The following NFATC2 variants were observed in gnomAD, a reference collection of about 807,000 sequenced individuals.
NFATC2 encodes the protein nuclear factor of activated T cells 2.
In NFATC2, 22 loss-of-function variants were observed where a neutral mutation model predicts 87.3. The ratio of observed to expected loss-of-function variants is 0.25; its 90% CI spans 0.18 to 0.36. The LOEUF (loss-of-function observed/expected upper bound fraction) is 0.36, where lower values mean the gene tolerates loss of function less well. NFATC2 is among the 10% of genes least tolerant of loss of function. NFATC2 has a pLI of 1.00. For missense variants in NFATC2, 1,149 were observed against 1,259.1 expected (o/e 0.91, Z 1.32); for synonymous variants, 565 against 542.2 (o/e 1.04, Z -0.58).
rs143745582 is a variant in NFATC2 at position 51,416,994 on chromosome 20, C to T, written c.2722+15073G>A. On this transcript the variant is annotated intron_variant, in intron 9 of 10. Transcript: ENST00000371564. ...AAAAGCCAGTTTCCTGGAGTCTCAT[C>T]AGATGAAGGAGTGAAAAGGCAGGGG... 1.1e-3 allele frequency among the ~76,000 whole-genome samples: 166 copies of T among 152,302 alleles called. 1 individual carries two copies. The highest frequency in any genetic ancestry group is 1.6e-3 in the Non-Finnish European group (108 of 68,028).
rs117746322 is a variant in NFATC2, at chr20:51,444,938, G to A, written c.1850-9177C>T. 1.4e-3 allele frequency among the ~76,000 whole-genome samples: 219 copies of A among 152,052 alleles called. 3 individuals carry two copies. The East Asian group carries it at 0.034, about 24-fold the overall frequency. On this transcript the variant is annotated intron_variant, in intron 6 of 10. Coordinates refer to ENST00000371564, the MANE Select transcript of NFATC2 (RefSeq NM_012340.5). ...CTAGAAAGGAAGTCCCTTGATTCCC[G>A]AGTCTCCTGCCCCACTACTTCCTTG...
At position 51,523,561 on chromosome 20, in the gene NFATC2, G is replaced by A. The variant is rs772994398; in HGVS notation, c.680C>T (p.Ala227Val). The A allele has an allele frequency of 1.9e-6, 3 of 1,613,688 alleles. No homozygotes were observed. Among genetic ancestry groups the A allele is most frequent in the African/African-American group, 2.7e-5 (2 of 74,906 alleles). The change falls in exon 2 of 11, where the codon GCC becomes GTC. Residue 227 changes from alanine (A) to valine (V), a missense_variant. Around this residue, in one of 3 missense-constraint regions of NFATC2, gnomAD observed 563 missense variants for 585.2 expected, o/e 0.96. Coordinates refer to ENST00000371564, the MANE Select transcript of NFATC2 (RefSeq NM_012340.5). The surrounding 1 kb of genome is among the most constrained non-coding windows in gnomAD (Gnocchi z 6.9). The stretch of plus-strand genomic sequence containing the variant: ...GTGGCGGCCCAGGCAGCTGTCCTCG[G>A]CGAGGCTGGTTCGAGGTGACATTAT... ...SPIMSPRTSL[A>V]EDSCLGRHSP...
chr20:51,555,855 G>A lies in NFATC2; in HGVS notation c.70+6705C>T, dbSNP rs149373002. The stretch of plus-strand genomic sequence containing the variant: ...TTAGAGAGGAAGGGCTATCCAGCCC[G>A]AATGAGGAATCCTACTCTTGTAGAT... On this transcript the variant is annotated intron_variant, in intron 1 of 10. Transcript: ENST00000414705. 7.4e-3 allele frequency among the ~76,000 whole-genome samples: 1,130 copies of A among 152,294 alleles called. 20 individuals are homozygous for A. The highest frequency in any genetic ancestry group is 0.026 in the African/African-American group (1,071 of 41,560).
Position 51,437,854 on chromosome 20 carries a change from A to G in NFATC2, c.1850-2093T>C, listed in dbSNP as rs117868003. On this transcript the variant is annotated intron_variant, in intron 6 of 10. Transcript: ENST00000371564. ...ATCTCCCCAACACGCACAAATGCCT[A>G]ATCAACATCTCATGACTGAACAGAC... Among the ~76,000 whole-genome samples, 444 of 152,348 alleles carry G rather than the reference A, an allele frequency of 2.9e-3. 6 individuals carry two copies. The East Asian group carries it at 0.038, about 13-fold the overall frequency.
intron 6 of NFATC2, among the ~76,000 whole-genome samples, chr20:51,441,424 G>A (rs1016686886): frequency 1.3e-5 from 2 of 151,318 alleles, no homozygotes; most frequent in Admixed American, 1.3e-4. Context: ...AAGCAAAAAT[G>A]ATAAAGTTTG....
Position 51,398,566 on chromosome 20 carries a change from TACTTA to T in NFATC2, c.*44+72_*44+76del, listed in dbSNP as rs1568926422. ...CAGCCTGTCAAGTTTTCTTATACTT[TACTTA>T]AAAAAAAAAAAATTCAAGTTAAGGA... On this transcript the variant is annotated intron_variant, in intron 10 of 10. Coordinates refer to ENST00000371564, the MANE Select transcript of NFATC2 (RefSeq NM_012340.5). 10 of 914,476 alleles carry T rather than the reference TACTTA, an allele frequency of 1.1e-5. No individual in the cohort carries two copies. In the East Asian group the frequency reaches 1.2e-4, roughly 11 times the overall value. 56.6% of individuals were successfully genotyped at this position (914,476 alleles called of 1,614,324 possible).
At chr20:51,561,705 T>C (rs1184023587) in intron 1 of NFATC2, among the ~76,000 whole-genome samples, 1 of 151,300 alleles carries the variant, frequency 6.6e-6, no homozygotes, top group Non-Finnish European at 1.5e-5. Flanking sequence ...CCCCTCCCAC[T>C]TGGCAGCCAG....
intron 1 of NFATC2, among the ~76,000 whole-genome samples, chr20:51,555,162 T>C (rs2076966794): frequency 6.6e-6 from 1 of 152,162 alleles, no homozygotes; most frequent in Non-Finnish European, 1.5e-5. Context: ...GCATTCACTC[T>C]TACCTGGCTA....
intron 10 of NFATC2, among the ~76,000 whole-genome samples, chr20:51,396,556 C>T (rs535486675): frequency 3.3e-5 from 5 of 152,258 alleles, no homozygotes; most frequent in East Asian, 1.9e-4. Flanking sequence ...GGTGAGACCA[C>T]GTGAGTGCCC....
At chr20:51,539,801 A>G (rs748969511) in intron 1 of NFATC2, among the ~76,000 whole-genome samples, 17 of 152,172 alleles carry the variant, frequency 1.1e-4, no homozygotes, top group Admixed American at 2.6e-4. Flanking sequence ...TCCCGGCCAC[A>G]GCATCCCTTC....
chr20:51,469,197 T>G (rs371055271), intron 5 of NFATC2, among the ~76,000 whole-genome samples: 1 of 152,046 alleles, frequency 6.6e-6, no homozygotes, highest in East Asian at 1.9e-4. Flanking sequence ...TAATTGTTTT[T>G]GTAGAGATGG....
intron 9 of NFATC2, among the ~76,000 whole-genome samples, chr20:51,400,738 C>T (rs747247381): frequency 2.6e-5 from 4 of 152,160 alleles, no homozygotes; most frequent in Non-Finnish European, 2.9e-5. Context: ...ACTCGCTCTG[C>T]CTTCCTTCAT....
intron 9 of NFATC2, among the ~76,000 whole-genome samples, chr20:51,428,643 C>T (rs1044609349): frequency 2.6e-5 from 4 of 152,164 alleles, no homozygotes; most frequent in Non-Finnish European, 1.5e-5. Context: ...AACTCAGAGC[C>T]GGGGGCTTCC....
At chr20:51,451,504 C>T (rs1030909989) in intron 6 of NFATC2, among the ~76,000 whole-genome samples, 1 of 152,218 alleles carries the variant, frequency 6.6e-6, no homozygotes, top group African/African-American at 2.4e-5. Flanking sequence ...GGACAGCGCC[C>T]CTGCCAAGTC....
chr20:51,466,573 C>T lies in NFATC2; in HGVS notation c.1708+7407G>A, dbSNP rs149194223. 3.6e-3 allele frequency among the ~76,000 whole-genome samples: 554 copies of T among 152,134 alleles called. 2 individuals carry two copies. Among genetic ancestry groups the T allele is most frequent in the African/African-American group, 0.013 (536 of 41,540 alleles). ...CAATGGAGCTGGACCCTACCCCACA[C>T]GATACACAAAAACCAACCTGCACGG... On this transcript the variant is annotated intron_variant, in intron 5 of 10. Coordinates refer to ENST00000371564, the MANE Select transcript of NFATC2 (RefSeq NM_012340.5).
At chr20:51,428,860 G>T (rs559677202) in intron 9 of NFATC2, among the ~76,000 whole-genome samples, 34 of 152,348 alleles carry the variant, frequency 2.2e-4, no homozygotes, top group Non-Finnish European at 3.4e-4. Context: ...ATAAATGACA[G>T]ACCAGAAATG....
In NFATC2 at chr20:51,391,469, A is replaced by C; in HGVS notation, c.*45-18T>G. 1.8e-6 allele frequency: 2 copies of C among 1,088,230 alleles called. No homozygotes were observed. The highest frequency in any genetic ancestry group is 2.7e-6 in the Non-Finnish European group (2 of 744,158). 67.4% of individuals were successfully genotyped at this position (1,088,230 alleles called of 1,614,324 possible). A position where few individuals can be genotyped will look rare whatever the true frequency, so the allele number is the denominator to read the frequency against. Reference sequence around the variant, plus strand: ...TTCATTAACTACAAAAGAAAAGAGGAGGGGGGGGGAGAGAGAATGGGGCAA... The same window carrying C: ...TTCATTAACTACAAAAGAAAAGAGGCGGGGGGGGGAGAGAGAATGGGGCAA... On this transcript the variant is annotated intron_variant, in intron 10 of 10. Transcript: ENST00000371564.
rs1989102653 is a variant in NFATC2, at chr20:51,480,040, C to A, written c.1333-4380G>T. Among the ~76,000 whole-genome samples, 1 of 152,176 alleles carries A rather than the reference C, an allele frequency of 6.6e-6. No individual in the cohort carries two copies. The highest frequency in any genetic ancestry group is 1.9e-4 in the East Asian group (1 of 5,198). ...CGGTGGCTCGTGCCTGTAATCCCAG[C>A]ACTTTGGGAGGCTGAGGTGGGCAGA... On this transcript the variant is annotated intron_variant, in intron 3 of 10. Transcript: ENST00000371564. This position sits in a 1 kb window ranked among gnomAD's most constrained non-coding sequence, Gnocchi z 4.2.
intron 9 of NFATC2, among the ~76,000 whole-genome samples, chr20:51,400,305 A>C (rs1024400857): frequency 2.0e-5 from 3 of 152,120 alleles, no homozygotes; most frequent in Non-Finnish European, 4.4e-5. Context: ...ACTTCAGTGG[A>C]TCTCAGGCAT....
Sources: gnomAD v4.1 joint callset for allele counts (sites outside exome capture counted in the v4.1 genomes callset) on GRCh38, gnomAD v4.1.1 for gene constraint, gnomAD v4.1.1 regional missense constraint, Gnocchi (gnomAD v3.1) non-coding constraint, MANE v1.5 for transcripts, NCBI Gene and HGNC (gene_info 2026-07-23, HGNC 2026-07-21) for gene names.